The following MAPK4 variants were observed in gnomAD, a reference collection of about 807,000 sequenced individuals.
The protein encoded by MAPK4 is mitogen-activated protein kinase 4.
Under a neutral mutation model 47.7 loss-of-function variants are expected in MAPK4, and 22 were observed. That is an observed-to-expected ratio of 0.46 (90% CI 0.33 to 0.66). The LOEUF (loss-of-function observed/expected upper bound fraction) is 0.66, where lower values mean the gene tolerates loss of function less well. Ranked by LOEUF, MAPK4 falls within the 30% of genes least tolerant of loss-of-function variation. The probability of loss-of-function intolerance (pLI) is 0.02; values close to 1 mark genes in which losing one functional copy is unlikely to be tolerated. For synonymous variants in MAPK4, 390 were observed against 365.7 expected (o/e 1.07, Z -0.76); for missense variants, 736 against 831.7 (o/e 0.88, Z 1.42).
chr18:50,728,036 G>A (rs1335688445), intron 5 of MAPK4, among the ~76,000 whole-genome samples: 1 of 152,216 alleles, frequency 6.6e-6, no homozygotes, highest in East Asian at 1.9e-4. Flanking sequence ...GCGTCACTGG[G>A]AGGCGGGCAG....
intron 2 of MAPK4, among the ~76,000 whole-genome samples, chr18:50,680,162 G>A (rs1908510266): frequency 7.9e-6 from 1 of 126,688 alleles, no homozygotes; most frequent in Admixed American, 1.1e-4. Flanking sequence ...CGCAATCTCG[G>A]CTCACTGCAA....
At chr18:50,710,291 T>C (rs1211405005) in intron 2 of MAPK4, among the ~76,000 whole-genome samples, 1 of 151,888 alleles carries the variant, frequency 6.6e-6, no homozygotes, top group Non-Finnish European at 1.5e-5. Flanking sequence ...GAAACCAGCC[T>C]GGGCAACGTG....
At chr18:50,682,108 T>C (rs1176605091) in intron 2 of MAPK4, among the ~76,000 whole-genome samples, 1 of 151,870 alleles carries the variant, frequency 6.6e-6, no homozygotes, top group Non-Finnish European at 1.5e-5. Flanking sequence ...GAGTATGGAG[T>C]TTTTTGTTAG....
At chr18:50,627,607 C>T (rs545885323) in intron 1 of MAPK4, among the ~76,000 whole-genome samples, 4 of 152,312 alleles carry the variant, frequency 2.6e-5, no homozygotes, top group African/African-American at 7.2e-5. Context: ...CTGCATTTAG[C>T]TCTTACAGCA....
At chr18:50,670,513 C>G (rs1038519420) in intron 2 of MAPK4, among the ~76,000 whole-genome samples, 5 of 152,106 alleles carry the variant, frequency 3.3e-5, no homozygotes, top group Admixed American at 2.6e-4. Context: ...TCCCAGCACT[C>G]TGGGAAGCCG....
At chr18:50,637,942 C>T (rs1321920294) in intron 1 of MAPK4, among the ~76,000 whole-genome samples, 1 of 152,238 alleles carries the variant, frequency 6.6e-6, no homozygotes, top group African/African-American at 2.4e-5. Context: ...TCTCCAAATA[C>T]AATCACATTC....
rs558214240 is a variant in MAPK4 at position 50,714,571 on chromosome 18, AG to A, written c.547-507del. ...GATGGTCTTATCTGTTCTCAGCAAGAGCCTGGTGCCTGGCTTTGTGGCAGCA... is the reference window on the plus strand; with the variant it reads ...GATGGTCTTATCTGTTCTCAGCAAGACCTGGTGCCTGGCTTTGTGGCAGCA... On this transcript the variant is annotated intron_variant, in intron 2 of 5. Coordinates refer to ENST00000400384, the MANE Select transcript of MAPK4 (RefSeq NM_002747.4). Among the ~76,000 whole-genome samples the A allele has an allele frequency of 3.0e-3, 460 of 152,318 alleles. 2 individuals carry two copies. Among genetic ancestry groups the A allele is most frequent in the African/African-American group, 0.011 (441 of 41,562 alleles).
chr18:50,622,785 A>G (rs1568049337), intron 1 of MAPK4, among the ~76,000 whole-genome samples: 1 of 152,270 alleles, frequency 6.6e-6, no homozygotes, highest in Non-Finnish European at 1.5e-5. Context: ...GAATGATTGT[A>G]TAGCAGCCAC....
intron 2 of MAPK4, among the ~76,000 whole-genome samples, chr18:50,671,236 C>T (rs1907931931): frequency 6.6e-6 from 1 of 152,164 alleles, no homozygotes; most frequent in South Asian, 2.1e-4. Context: ...TGCCTGCTAC[C>T]CCATGGCACG....
At chr18:50,654,796 G>C (rs1459141008) in intron 1 of MAPK4, among the ~76,000 whole-genome samples, 1 of 152,200 alleles carries the variant, frequency 6.6e-6, no homozygotes, top group Admixed American at 6.5e-5. Flanking sequence ...CCCTTCCCCA[G>C]CTTTGCTGAT....
At chr18:50,644,160 C>T (rs2042966860) in intron 1 of MAPK4, among the ~76,000 whole-genome samples, 1 of 152,012 alleles carries the variant, frequency 6.6e-6, no homozygotes, top group Non-Finnish European at 1.5e-5. Context: ...GATAACTTTT[C>T]ATTTGGTTGG....
At chr18:50,725,365 C>T (rs1022573735) in intron 4 of MAPK4, among the ~76,000 whole-genome samples, 7 of 152,228 alleles carry the variant, frequency 4.6e-5, no homozygotes, top group African/African-American at 1.7e-4. Flanking sequence ...CTGCAGCATT[C>T]CCCTTTCTCA....
At chr18:50,627,012 C>G (rs1023332857) in intron 1 of MAPK4, among the ~76,000 whole-genome samples, 2 of 152,118 alleles carry the variant, frequency 1.3e-5, no homozygotes, top group African/African-American at 4.8e-5. Flanking sequence ...GAGAGTATCA[C>G]CATTCCAGCT....
intron 2 of MAPK4, among the ~76,000 whole-genome samples, chr18:50,667,294 A>T (rs1036307833): frequency 2.6e-5 from 4 of 152,112 alleles, no homozygotes; most frequent in African/African-American, 4.8e-5. Context: ...TGATCACTGT[A>T]CCTAAGACAT....
At chr18:50,605,481 C>T (rs774739932) in intron 1 of MAPK4, among the ~76,000 whole-genome samples, 7 of 152,212 alleles carry the variant, frequency 4.6e-5, no homozygotes, top group Non-Finnish European at 8.8e-5. Flanking sequence ...CAAAACCAGT[C>T]AGCAGTGGAA....
At chr18:50,638,713 G>A (rs2144174856) in intron 1 of MAPK4, among the ~76,000 whole-genome samples, 2 of 152,340 alleles carry the variant, frequency 1.3e-5, no homozygotes, top group South Asian at 4.1e-4. Flanking sequence ...AGTTCTGGAA[G>A]GAATAACTGA....
chr18:50,607,103 G>A (rs146567270), intron 1 of MAPK4, among the ~76,000 whole-genome samples: 105 of 152,266 alleles, frequency 6.9e-4, no homozygotes, highest in Non-Finnish European at 1.3e-3. Context: ...TGTATGCAAA[G>A]CATCACATCA....
At chr18:50,632,616 A>ATTTT (rs10531891) in intron 1 of MAPK4, among the ~76,000 whole-genome samples, 15 of 122,306 alleles carry the variant, frequency 1.2e-4, no homozygotes, top group African/African-American at 1.9e-4. Context: ...GTCTGGTTTA[A>ATTTT]TTTTTTTTTT....
Position 50,663,886 on chromosome 18 carries a change from G to A in MAPK4, c.-73G>A. On this transcript the variant is annotated 5_prime_UTR_variant, in exon 2 of 6. Coordinates refer to ENST00000400384, the MANE Select transcript of MAPK4 (RefSeq NM_002747.4). ...TGACAGAATGAGGTGCGCGAGGGAGGCCGCTAGCCGAGACTTGGCCTTTCC... is the reference window on the plus strand; with the variant it reads ...TGACAGAATGAGGTGCGCGAGGGAGACCGCTAGCCGAGACTTGGCCTTTCC... 6.6e-6 allele frequency: 9 copies of A among 1,362,524 alleles called. No individual in the cohort carries two copies. Among genetic ancestry groups the A allele is most frequent in the Non-Finnish European group, 7.1e-6 (7 of 986,556 alleles). 84.4% of individuals were successfully genotyped at this position (1,362,524 alleles called of 1,614,324 possible).
Sources: allele counts gnomAD v4.1 joint callset (sites outside exome capture counted in the v4.1 genomes callset), GRCh38; gene constraint gnomAD v4.1.1; transcripts MANE v1.5; gene names NCBI Gene and HGNC (gene_info 2026-07-23, HGNC 2026-07-21).